Variants in ATXN10 observed in about 807,000 individuals in gnomAD.
ATXN10 encodes the protein ataxin-10.
A neutral mutation model predicts 52.9 loss-of-function variants in ATXN10; 28 were observed. The ratio of observed to expected loss-of-function variants is 0.53; its 90% CI spans 0.39 to 0.73. The LOEUF is 0.73. Among genes scored for constraint, ATXN10 ranks in the 30% least tolerant of loss-of-function variants. The pLI is 0.00. For synonymous variants in ATXN10, 226 were observed against 221.5 expected (o/e 1.02, Z -0.18); for missense variants, 565 against 577.0 (o/e 0.98, Z 0.21).
At chr22:45,730,856 A>G (rs908147422) in intron 7 of ATXN10, among the ~76,000 whole-genome samples, 1 of 152,230 alleles carries the variant, frequency 6.6e-6, no homozygotes, top group Non-Finnish European at 1.5e-5. Flanking sequence ...TGAAATTGCT[A>G]TGTATAAGGA....
At chr22:45,764,552 C>T (rs558406733) in intron 9 of ATXN10, among the ~76,000 whole-genome samples, 1 of 152,244 alleles carries the variant, frequency 6.6e-6, no homozygotes, top group South Asian at 2.1e-4. Flanking sequence ...GTGGTAGTTT[C>T]GTTGACTTTT....
At chr22:45,730,893 A>G (rs1925065311) in intron 7 of ATXN10, among the ~76,000 whole-genome samples, 1 of 152,232 alleles carries the variant, frequency 6.6e-6, no homozygotes, top group South Asian at 2.1e-4. Context: ...CTCTTGATAC[A>G]TACTTCCAAA....
At chr22:45,761,670 T>C (rs562822890) in intron 9 of ATXN10, among the ~76,000 whole-genome samples, 2 of 152,350 alleles carry the variant, frequency 1.3e-5, no homozygotes, top group Non-Finnish European at 2.9e-5. Flanking sequence ...TATCTATTTT[T>C]TTATCATACA....
chr22:45,706,095 C>T (rs997666855), intron 5 of ATXN10, among the ~76,000 whole-genome samples: 2 of 152,136 alleles, frequency 1.3e-5, no homozygotes, highest in African/African-American at 2.4e-5. Flanking sequence ...TTCCTGAAAC[C>T]GTCCCCCCAC....
chr22:45,800,229 G>A (rs548737417), intron 9 of ATXN10, among the ~76,000 whole-genome samples: 37 of 151,928 alleles, frequency 2.4e-4, no homozygotes, highest in South Asian at 8.3e-4. Context: ...ACATATATCC[G>A]ACACAGGACT....
chr22:45,842,396 A>G lies in ATXN10; in HGVS notation c.1238-595A>G, dbSNP rs1471306772. On this transcript the variant is annotated intron_variant, in intron 10 of 11. Coordinates refer to ENST00000252934, the MANE Select transcript of ATXN10 (RefSeq NM_013236.4). The surrounding 1 kb of genome is among the most constrained non-coding windows in gnomAD (Gnocchi z 4.8). ...GATGCTTTCAGGAGCCTGAGTATTC[A>G]AACTAAACACAGCAAATCCTTCAAA... Among the ~76,000 whole-genome samples the G allele has an allele frequency of 1.3e-5, 2 of 152,150 alleles. No individual in the cohort carries two copies. The highest frequency in any genetic ancestry group is 4.8e-5 in the African/African-American group (2 of 41,416).
rs1310704105 is a variant in ATXN10 at position 45,766,526 on chromosome 22, A to G, written c.1173+25988A>G. On this transcript the variant is annotated intron_variant, in intron 9 of 11. Coordinates refer to ENST00000252934, the MANE Select transcript of ATXN10 (RefSeq NM_013236.4). The surrounding 1 kb of genome is among the most constrained non-coding windows in gnomAD (Gnocchi z 4.6). ...AGATAAAACTGGATACATCCCTTATAACATAGACATCAGTTTGAATAAACT... is the reference window on the plus strand; with the variant it reads ...AGATAAAACTGGATACATCCCTTATGACATAGACATCAGTTTGAATAAACT... Among the ~76,000 whole-genome samples the G allele has an allele frequency of 3.3e-5, 5 of 152,220 alleles. No individual in the cohort carries two copies. The highest frequency in any genetic ancestry group is 2.6e-4 in the Admixed American group (4 of 15,284).
At chr22:45,829,835 T>G (rs1199379323) in intron 10 of ATXN10, among the ~76,000 whole-genome samples, 1 of 152,142 alleles carries the variant, frequency 6.6e-6, no homozygotes, top group African/African-American at 2.4e-5. Flanking sequence ...CATGTCAATA[T>G]CCCAATGAAA....
rs913634157 is a variant in ATXN10, at chr22:45,823,462, GT to G, written c.1237+16443del. ...TAATTTCCCCTGCGATTATGCAGTT[GT>G]TTCCGTTTCAGTATTTAAAAACCTT... On this transcript the variant is annotated intron_variant, in intron 10 of 11. Transcript: ENST00000252934. This position sits in a 1 kb window ranked among gnomAD's most constrained non-coding sequence, Gnocchi z 4.9. Among the ~76,000 whole-genome samples the G allele has an allele frequency of 8.6e-5, 13 of 152,034 alleles. No homozygotes were observed. Among genetic ancestry groups the G allele is most frequent in the Admixed American group, 6.5e-4 (10 of 15,274 alleles).
rs1177946826 is a variant in ATXN10, at chr22:45,835,781, T to G, written c.1238-7210T>G. The stretch of plus-strand genomic sequence containing the variant: ...TATTAAATGCAAATCTTACTCTATA[T>G]TCTTCAGATTGTAACCTATAATTTC... On this transcript the variant is annotated intron_variant, in intron 10 of 11. Transcript: ENST00000252934. This position sits in a 1 kb window ranked among gnomAD's most constrained non-coding sequence, Gnocchi z 5.0. Among the ~76,000 whole-genome samples the G allele has an allele frequency of 6.6e-6, 1 of 152,254 alleles. No homozygotes were observed.
intron 6 of ATXN10, among the ~76,000 whole-genome samples, chr22:45,724,037 T>G (rs1305546217): frequency 2.9e-5 from 1 of 34,398 alleles, no homozygotes; most frequent in Non-Finnish European, 5.1e-5. Flanking sequence ...TTGAGTAGTA[T>G]TCCATTGTGT....
In ATXN10 at chr22:45,709,211, A is replaced by G. The variant is rs574586185; in HGVS notation, c.647+6364A>G. ...CACAACAGCCATGCATTCCACTTTC[A>G]TGGCACTTAGCGCATTTAATTGTCC... On this transcript the variant is annotated intron_variant, in intron 5 of 11. Coordinates refer to ENST00000252934, the MANE Select transcript of ATXN10 (RefSeq NM_013236.4). Among the ~76,000 whole-genome samples the G allele has an allele frequency of 1.1e-4, 16 of 152,222 alleles. No homozygotes were observed. In the South Asian group the frequency reaches 3.1e-3, roughly 30 times the overall value.
rs1051894436 is a variant in ATXN10 at position 45,772,219 on chromosome 22, G to C, written c.1173+31681G>C. Among the ~76,000 whole-genome samples, 1 of 152,098 alleles carries C rather than the reference G, an allele frequency of 6.6e-6. No individual in the cohort carries two copies. The highest frequency in any genetic ancestry group is 6.5e-5 in the Admixed American group (1 of 15,282). The stretch of plus-strand genomic sequence containing the variant: ...TTTGTAGTTTTATGTTTTGTGTTTA[G>C]ATCTAGGATCCATTTGAGTTAGTCT... On this transcript the variant is annotated intron_variant, in intron 9 of 11. Coordinates refer to ENST00000252934, the MANE Select transcript of ATXN10 (RefSeq NM_013236.4). The surrounding 1 kb of genome is among the most constrained non-coding windows in gnomAD (Gnocchi z 4.1).
chr22:45,770,893 C>T lies in ATXN10; in HGVS notation c.1173+30355C>T, dbSNP rs1321020721. On this transcript the variant is annotated intron_variant, in intron 9 of 11. Coordinates refer to ENST00000252934, the MANE Select transcript of ATXN10 (RefSeq NM_013236.4). This position sits in a 1 kb window ranked among gnomAD's most constrained non-coding sequence, Gnocchi z 4.5. ...CCTGAGTAGCTTTTCAGGAAGTGCT[C>T]ACTTGGAGAGAGAGGACAGAGCCAC... Among the ~76,000 whole-genome samples the T allele has an allele frequency of 6.6e-6, 1 of 152,182 alleles. No individual in the cohort carries two copies. The highest frequency in any genetic ancestry group is 1.5e-5 in the Non-Finnish European group (1 of 68,026).
intron 3 of ATXN10, among the ~76,000 whole-genome samples, chr22:45,698,274 C>T (rs573288781): frequency 1.3e-5 from 2 of 152,296 alleles, no homozygotes; most frequent in African/African-American, 2.4e-5. Context: ...TACGAATGTT[C>T]CCATTTCTTG....
At position 45,809,074 on chromosome 22, in the gene ATXN10, G is replaced by T. The variant is rs186344686; in HGVS notation, c.1237+2052G>T. Among the ~76,000 whole-genome samples the T allele has an allele frequency of 2.2e-4, 33 of 152,354 alleles. No homozygotes were observed. In the South Asian group the frequency reaches 5.0e-3, roughly 23 times the overall value. On this transcript the variant is annotated intron_variant, in intron 10 of 11. Coordinates refer to ENST00000252934, the MANE Select transcript of ATXN10 (RefSeq NM_013236.4). Reference sequence around the variant, plus strand: ...ATACTGAAATATCAGTGCAAAGGGAGAATGGTAGTTGAATGGTCAGAAACG... The same window carrying T: ...ATACTGAAATATCAGTGCAAAGGGATAATGGTAGTTGAATGGTCAGAAACG...
In ATXN10 at chr22:45,824,570, C is replaced by CG. The variant is rs994603757; in HGVS notation, c.1237+17548_1237+17549insG. ...TTGGTAAAGGGAAAATGAGGAAACT[C>CG]TAAGAATCGTGTCATATTTAATGAA... On this transcript the variant is annotated intron_variant, in intron 10 of 11. Transcript: ENST00000252934. The surrounding 1 kb of genome is among the most constrained non-coding windows in gnomAD (Gnocchi z 5.2). Among the ~76,000 whole-genome samples, 51 of 152,216 alleles carry CG rather than the reference C, an allele frequency of 3.4e-4. No individual in the cohort carries two copies. The highest frequency in any genetic ancestry group is 1.2e-3 in the African/African-American group (50 of 41,538).
At position 45,769,152 on chromosome 22, in the gene ATXN10, T is replaced by C. The variant is rs569005082; in HGVS notation, c.1173+28614T>C. 7.2e-5 allele frequency among the ~76,000 whole-genome samples: 11 copies of C among 152,160 alleles called. No homozygotes were observed. The highest frequency in any genetic ancestry group is 2.7e-4 in the African/African-American group (11 of 41,506). On this transcript the variant is annotated intron_variant, in intron 9 of 11. Transcript: ENST00000252934. The surrounding 1 kb of genome is among the most constrained non-coding windows in gnomAD (Gnocchi z 4.2). ...GTTTGGAAATTTTCATTTAAAAAAA[T>C]GGTTAAAAATTTTTAAAGAGTTGTT...
At chr22:45,730,797 C>G (rs1363028693) in intron 7 of ATXN10, among the ~76,000 whole-genome samples, 1 of 152,166 alleles carries the variant, frequency 6.6e-6, no homozygotes, top group East Asian at 1.9e-4. Context: ...TTTATAGTTA[C>G]ATCTTTGCAC....
Sources: allele counts gnomAD v4.1 joint callset (sites outside exome capture counted in the v4.1 genomes callset), GRCh38; gene constraint gnomAD v4.1.1; non-coding constraint Gnocchi (gnomAD v3.1); transcripts MANE v1.5; gene names NCBI Gene and HGNC (gene_info 2026-07-23, HGNC 2026-07-21).